The following CCDC30 variants were observed in gnomAD, a reference collection of about 807,000 sequenced individuals.
The protein encoded by CCDC30 is coiled-coil domain-containing protein 30.
CCDC30 carries 70 observed loss-of-function variants against 100.2 expected under a neutral mutation model. The observed-to-expected ratio is 0.70, with a 90% CI of 0.58 to 0.85. The LOEUF is 0.85. Ranked by LOEUF, CCDC30 falls within the 40% of genes least tolerant of loss-of-function variation. The pLI is 0.00. For synonymous variants in CCDC30, 233 were observed against 269.5 expected (o/e 0.86, Z 1.33); for missense variants, 652 against 771.2 (o/e 0.85, Z 1.83).
At chr1:42,564,603 G>A (rs1432581555) in intron 6 of CCDC30, among the ~76,000 whole-genome samples, 3 of 152,184 alleles carry the variant, frequency 2.0e-5, no homozygotes, top group Non-Finnish European at 4.4e-5. Context: ...TGTTTGTGAT[G>A]TACAACCTGA....
intron 15 of CCDC30, among the ~76,000 whole-genome samples, chr1:42,648,414 T>A (rs982768427): frequency 6.6e-6 from 1 of 152,152 alleles, no homozygotes; most frequent in Admixed American, 6.5e-5. Context: ...CTCACACCTA[T>A]AATCCCAGCA....
intron 15 of CCDC30, among the ~76,000 whole-genome samples, chr1:42,649,478 G>A (rs1387887058): frequency 6.6e-6 from 1 of 152,000 alleles, no homozygotes; most frequent in Non-Finnish European, 1.5e-5. Flanking sequence ...TATATGACAA[G>A]CCCACAGCTA....
At chr1:42,592,271 A>T (rs758578225) in intron 10 of CCDC30, 3 of 152,208 alleles carry the variant, frequency 2.0e-5, no homozygotes, top group Non-Finnish European at 4.4e-5. Context: ...TCCCCTCCAA[A>T]TCTCATCTTG....
chr1:42,534,854 T>C (rs1203609861), intron 6 of CCDC30: 7 of 152,168 alleles, frequency 4.6e-5, no homozygotes, highest in Non-Finnish European at 8.8e-5. Context: ...TCAGTATTTT[T>C]TAAAATGACA....
intron 11 of CCDC30, among the ~76,000 whole-genome samples, chr1:42,618,952 T>C (rs1379511877): frequency 6.6e-6 from 1 of 152,130 alleles, no homozygotes; most frequent in African/African-American, 2.4e-5. Context: ...CAATAACTCA[T>C]CCTATGCTGA....
At chr1:42,652,726 T>G (rs1265345105) in intron 15 of CCDC30, among the ~76,000 whole-genome samples, 2 of 152,154 alleles carry the variant, frequency 1.3e-5, no homozygotes, top group Non-Finnish European at 2.9e-5. Context: ...TGATACTTAC[T>G]CTAACATAAT....
chr1:42,456,327 A>G, the CCDC30 span: 10 of 601,552 alleles, frequency 1.7e-5, 1 homozygote, highest in Middle Eastern at 8.8e-4. Context: ...AACGTGAGGG[A>G]ACGTGACCCT....
intron 7 of CCDC30, among the ~76,000 whole-genome samples, chr1:42,566,836 T>C (rs145131478): frequency 9.2e-5 from 14 of 152,310 alleles, no homozygotes; most frequent in African/African-American, 3.4e-4. Context: ...AGATCTCAAC[T>C]GCACCAAGGT....
At chr1:42,642,371 T>C in intron 12 of CCDC30, 102 bp from the exon 17 acceptor site, 1 of 1,082,162 alleles carries the variant, frequency 9.2e-7, no homozygotes, top group South Asian at 2.9e-5. Context: ...AAAAAAAAAG[T>C]AAATAAGGGA....
At chr1:42,590,942 G>C (rs1419083027) in intron 10 of CCDC30, 1 of 152,252 alleles carries the variant, frequency 6.6e-6, no homozygotes, top group African/African-American at 2.4e-5. Context: ...CCAAGGATCT[G>C]TGGAAGTTTG....
Position 42,608,716 on chromosome 1 carries a change from C to CAAAAA in CCDC30, c.1165-2242_1165-2238dup, listed in dbSNP as rs3044834. 4.0e-4 allele frequency among the ~76,000 whole-genome samples: 22 copies of CAAAAA among 55,392 alleles called. 1 individual carries two copies. The highest frequency in any genetic ancestry group is 3.8e-4 in the African/African-American group (5 of 13,298). 36.3% of individuals were successfully genotyped at this position (55,392 alleles called of 152,430 possible). ...AGAGCGCGACTCCGTCTCTCTGTCT[C>CAAAAA]AAAAAAAAAAAAAAAAAAAAAAAAG... On this transcript the variant is annotated intron_variant, in intron 10 of 16. Coordinates refer to ENST00000668663, the Ensembl canonical transcript of CCDC30.
intron 6 of CCDC30, among the ~76,000 whole-genome samples, chr1:42,499,755 T>C (rs1169800413): frequency 6.6e-6 from 1 of 152,038 alleles, no homozygotes; most frequent in African/African-American, 2.4e-5. Flanking sequence ...ATTACAGGCA[T>C]GTGCCACTGT....
At chr1:42,517,377 T>G (rs1259005781) in intron 6 of CCDC30, among the ~76,000 whole-genome samples, 2 of 152,208 alleles carry the variant, frequency 1.3e-5, no homozygotes, top group Non-Finnish European at 2.9e-5. Flanking sequence ...GCCACCACAC[T>G]TGGCCAGTAG....
intron 1 of CCDC30, among the ~76,000 whole-genome samples, chr1:42,474,627 A>G (rs963636062): frequency 2.0e-5 from 3 of 152,142 alleles, no homozygotes; most frequent in African/African-American, 7.2e-5. Context: ...GTCTACTTCT[A>G]AGCACTTTGG....
At chr1:42,525,461 C>G (rs186898057) in intron 6 of CCDC30, among the ~76,000 whole-genome samples, 2 of 152,152 alleles carry the variant, frequency 1.3e-5, no homozygotes, top group Admixed American at 6.5e-5. Flanking sequence ...AATTTTATCT[C>G]TAGAAATTTC....
intron 1 of CCDC30, among the ~76,000 whole-genome samples, chr1:42,478,721 T>C (rs1643911283): frequency 6.6e-6 from 1 of 152,168 alleles, no homozygotes; most frequent in South Asian, 2.1e-4. Context: ...ATTGCATCAC[T>C]GCACTCCAGC....
Position 42,500,356 on chromosome 1 carries a change from C to T in CCDC30, c.456+1440C>T, listed in dbSNP as rs1043274890. The T allele has an allele frequency of 3.2e-6, 5 of 1,547,630 alleles. No individual in the cohort carries two copies. The East Asian group carries it at 9.0e-5, about 28-fold the overall frequency. On this transcript the variant is annotated intron_variant, in intron 6 of 16. Transcript: ENST00000668663. ...GTCAGACATAGTTGCCGAGGAAAAG[C>T]GGAGTGAGGTGCGTGAGAACGAGCG... is the stretch of plus-strand genomic sequence containing the variant.
At chr1:42,461,801 T>C (rs1643420322), upstream of CCDC30, among the ~76,000 whole-genome samples, 1 of 152,096 alleles carries the variant, frequency 6.6e-6, no homozygotes, top group African/African-American at 2.4e-5. Flanking sequence ...CGCCCCGGCC[T>C]TCCAAAGTGC....
At chr1:42,500,273 T>C (rs1644289537) in intron 6 of CCDC30, 2 of 1,610,750 alleles carry the variant, frequency 1.2e-6, no homozygotes, top group Non-Finnish European at 1.7e-6. Flanking sequence ...TTCTCTTGCG[T>C]CTCTGTCTTC....
Sources: gnomAD v4.1 joint callset for allele counts (sites outside exome capture counted in the v4.1 genomes callset) on GRCh38, gnomAD v4.1.1 for gene constraint, MANE v1.5 for transcripts, NCBI Gene and HGNC (gene_info 2026-07-23, HGNC 2026-07-21) for gene names.